Variants in TMEM132D observed in about 807,000 individuals in gnomAD.
TMEM132D encodes the protein mature OL transmembrane protein.
TMEM132D carries 21 observed loss-of-function variants against 62.3 expected under a neutral mutation model. The observed-to-expected ratio is 0.34, with a 90% CI of 0.24 to 0.49. The LOEUF is 0.49. TMEM132D is among the 20% of genes least tolerant of loss of function. The pLI is 0.99. For missense variants in TMEM132D, 1,346 were observed against 1,402.8 expected (o/e 0.96, Z 0.65); for synonymous variants, 621 against 575.6 (o/e 1.08, Z -1.13).
rs2137227360 is a variant in TMEM132D at position 129,700,471 on chromosome 12, C to T, written c.307G>A (p.Glu103Lys). 2 of 1,614,078 alleles carry T rather than the reference C, an allele frequency of 1.2e-6. No homozygotes were observed. The highest frequency in any genetic ancestry group is 2.2e-5 in the South Asian group (2 of 91,074). The change falls in exon 2 of 9, where the codon GAG becomes AAG. Residue 103 changes from glutamate (E) to lysine (K), a missense_variant. By Grantham distance (56) the Glu-to-Lys change is moderately conservative (BLOSUM62 1). Coordinates refer to ENST00000422113, the MANE Select transcript of TMEM132D (RefSeq NM_133448.3). The stretch of plus-strand genomic sequence containing the variant: ...ATTAAATCCTGGGGCACCACTTGCT[C>T]GATGGAGAAAGGCCCGTAGCTGGCA... ...LNASYGPFSIEQVVPQDLMLP... is the reference protein window; with the variant it reads ...LNASYGPFSIKQVVPQDLMLP...
At chr12:129,200,377 G>A (rs145231609) in intron 5 of TMEM132D, among the ~76,000 whole-genome samples, 66 of 152,304 alleles carry the variant, frequency 4.3e-4, no homozygotes, top group African/African-American at 1.6e-3. Flanking sequence ...TGCATCAAAG[G>A]TATCATGCTC....
chr12:129,672,402 A>G (rs771231247), intron 2 of TMEM132D, among the ~76,000 whole-genome samples: 7 of 152,194 alleles, frequency 4.6e-5, no homozygotes, highest in South Asian at 2.1e-4. Flanking sequence ...AGGCTCCCCA[A>G]TGAACACTGG....
At chr12:129,461,482 G>A (rs1315306024) in intron 3 of TMEM132D, among the ~76,000 whole-genome samples, 5 of 152,068 alleles carry the variant, frequency 3.3e-5, no homozygotes, top group African/African-American at 1.2e-4. Flanking sequence ...AACTAAAGAA[G>A]ACAAAGAGAG....
At chr12:129,836,144 T>C (rs1566002768) in intron 1 of TMEM132D, among the ~76,000 whole-genome samples, 1 of 152,258 alleles carries the variant, frequency 6.6e-6, no homozygotes, top group Non-Finnish European at 1.5e-5. Flanking sequence ...TCATGTTTCA[T>C]ATGGAGTGTG....
rs137871073 is a variant in TMEM132D, at chr12:129,609,057, C to T, written c.969-77852G>A. The stretch of plus-strand genomic sequence containing the variant: ...CTGGGTTCCAGCGATTCTCCTGCCT[C>T]AGCCTCCTGAGTAGCTGCAATTGCA... On this transcript the variant is annotated intron_variant, in intron 2 of 8. Transcript: ENST00000422113. 9.8e-3 allele frequency among the ~76,000 whole-genome samples: 1,483 copies of T among 152,056 alleles called. 25 individuals are homozygous for T. The highest frequency in any genetic ancestry group is 0.034 in the African/African-American group (1,396 of 41,456).
chr12:129,471,805 C>T (rs931298965), intron 3 of TMEM132D, among the ~76,000 whole-genome samples: 2 of 152,170 alleles, frequency 1.3e-5, no homozygotes, highest in African/African-American at 4.8e-5. Context: ...AACAACCAAC[C>T]TTATTGCTGA....
At chr12:129,387,036 AG>A (rs1347672290) in intron 3 of TMEM132D, among the ~76,000 whole-genome samples, 1 of 152,152 alleles carries the variant, frequency 6.6e-6, no homozygotes, top group Non-Finnish European at 1.5e-5. Context: ...CACTAACAGT[AG>A]TACTATGTGC....
chr12:129,549,562 C>T (rs780075237), intron 2 of TMEM132D, among the ~76,000 whole-genome samples: 74 of 152,292 alleles, frequency 4.9e-4, no homozygotes, highest in Non-Finnish European at 1.0e-3. Flanking sequence ...TGCCTTCTGC[C>T]ATGATTGTGA....
rs192525801 is a variant in TMEM132D at position 129,411,689 on chromosome 12, A to G, written c.1116-73872T>C. 5.2e-3 allele frequency among the ~76,000 whole-genome samples: 789 copies of G among 152,306 alleles called. 3 individuals carry two copies. Among genetic ancestry groups the G allele is most frequent in the Non-Finnish European group, 8.6e-3 (587 of 68,012 alleles). On this transcript the variant is annotated intron_variant, in intron 3 of 8. Coordinates refer to ENST00000422113, the MANE Select transcript of TMEM132D (RefSeq NM_133448.3). ...CTATTTTAAACAGCAGATTTCAGCTAGAGTTGATATTTCTGAGCCATAACC... is the reference window on the plus strand; with the variant it reads ...CTATTTTAAACAGCAGATTTCAGCTGGAGTTGATATTTCTGAGCCATAACC...
At chr12:129,473,264 C>T (rs763301927) in intron 3 of TMEM132D, among the ~76,000 whole-genome samples, 3 of 149,922 alleles carry the variant, frequency 2.0e-5, no homozygotes, top group South Asian at 2.1e-4. Context: ...AATAGCAAAA[C>T]GATTAGGACC....
At chr12:129,313,587 A>AT (rs1566030260) in intron 4 of TMEM132D, among the ~76,000 whole-genome samples, 4 of 149,500 alleles carry the variant, frequency 2.7e-5, no homozygotes, top group Non-Finnish European at 4.4e-5. Context: ...ATATATATAT[A>AT]AGTTTCTTTA....
At chr12:129,624,304 G>T (rs907455883) in intron 2 of TMEM132D, among the ~76,000 whole-genome samples, 2 of 152,196 alleles carry the variant, frequency 1.3e-5, no homozygotes, top group African/African-American at 4.8e-5. Context: ...TAATAAAAGG[G>T]TCAGAGGGGC....
intron 2 of TMEM132D, among the ~76,000 whole-genome samples, chr12:129,590,719 A>G (rs1294309632): frequency 1.3e-5 from 2 of 152,190 alleles, no homozygotes; most frequent in Non-Finnish European, 2.9e-5. Flanking sequence ...CAATGGCAAC[A>G]GGGCTTGGGC....
At chr12:129,235,847 T>C (rs1157629038) in intron 4 of TMEM132D, among the ~76,000 whole-genome samples, 1 of 152,154 alleles carries the variant, frequency 6.6e-6, no homozygotes, top group Admixed American at 6.5e-5. Context: ...TGTGATCTTA[T>C]ATAAATCTTA....
intron 1 of TMEM132D, among the ~76,000 whole-genome samples, chr12:129,750,897 T>C (rs1238968329): frequency 6.6e-6 from 1 of 152,202 alleles, no homozygotes; most frequent in Non-Finnish European, 1.5e-5. Context: ...TCACACAATG[T>C]ATACATGTAT....
chr12:129,385,085 C>CTTTTTTT (rs869098367), intron 3 of TMEM132D, among the ~76,000 whole-genome samples: 1 of 86,874 alleles, frequency 1.2e-5, no homozygotes, highest in African/African-American at 4.8e-5. Context: ...TGTTAAAGTT[C>CTTTTTTT]TTTTTTTTTT....
At chr12:129,107,226 T>G (rs1565966162) in intron 5 of TMEM132D, among the ~76,000 whole-genome samples, 1 of 152,174 alleles carries the variant, frequency 6.6e-6, no homozygotes, top group East Asian at 1.9e-4. Flanking sequence ...AAACCAGTGG[T>G]TCTCAGTCCT....
At chr12:129,697,141 C>T (rs926570972) in intron 2 of TMEM132D, among the ~76,000 whole-genome samples, 4 of 152,160 alleles carry the variant, frequency 2.6e-5, no homozygotes, top group African/African-American at 9.7e-5. Flanking sequence ...AGAACTCAAA[C>T]CGTAGCTGCT....
chr12:129,357,572 T>C (rs1870111403), intron 3 of TMEM132D, among the ~76,000 whole-genome samples: 1 of 137,848 alleles, frequency 7.3e-6, no homozygotes, highest in Admixed American at 7.5e-5. Context: ...AAGGAAAGAA[T>C]GCAAGGAAGG....
Sources: gnomAD v4.1 joint callset for allele counts (sites outside exome capture counted in the v4.1 genomes callset) on GRCh38, gnomAD v4.1.1 for gene constraint, MANE v1.5 for transcripts, NCBI Gene and HGNC (gene_info 2026-07-23, HGNC 2026-07-21) for gene names.